SFMBT2: variants seen among roughly 807,000 people sequenced by gnomAD.
SFMBT2 encodes scm-like with four MBT domains protein 2.
A neutral mutation model predicts 110.1 loss-of-function variants in SFMBT2; 38 were observed. The ratio of observed to expected loss-of-function variants is 0.35; its 90% CI spans 0.27 to 0.45. SFMBT2 has a LOEUF of 0.45. SFMBT2 is among the 20% of genes least tolerant of loss of function. The pLI, the probability that SFMBT2 is intolerant of heterozygous loss-of-function variation, is 1.00. For missense variants in SFMBT2, 1,011 were observed against 1,094.9 expected, an observed-to-expected ratio of 0.92 and a Z score of 1.08; for synonymous variants, 425 against 425.4, an observed-to-expected ratio of 1.00 and a Z score of 0.01.
chr10:7,189,921 T>C (rs1160842695), intron 15 of SFMBT2, among the ~76,000 whole-genome samples: 1 of 152,232 alleles, frequency 6.6e-6, no homozygotes, highest in East Asian at 1.9e-4. Context: ...GTGGATGGAA[T>C]TTGCTTGTCA....
At chr10:7,264,205 T>C (rs557769247) in intron 7 of SFMBT2, 10 of 244,082 alleles carry the variant, frequency 4.1e-5, no homozygotes, top group African/African-American at 2.3e-4. Flanking sequence ...CATCGAGAAA[T>C]AGAGAAAGCA....
intron 10 of SFMBT2, among the ~76,000 whole-genome samples, chr10:7,221,254 A>C (rs1313194917): frequency 6.6e-6 from 1 of 152,176 alleles, no homozygotes; most frequent in Non-Finnish European, 1.5e-5. Context: ...GGAAATGGGA[A>C]AAATATCCTT....
At chr10:7,168,237 G>C (rs539649179) in intron 20 of SFMBT2, among the ~76,000 whole-genome samples, 1 of 152,292 alleles carries the variant, frequency 6.6e-6, no homozygotes, top group East Asian at 1.9e-4. Context: ...CCCCATACCA[G>C]CTTTGTTTCA....
chr10:7,342,931 T>C (rs1843976853), intron 4 of SFMBT2, among the ~76,000 whole-genome samples: 2 of 152,104 alleles, frequency 1.3e-5, no homozygotes, highest in African/African-American at 4.8e-5. Context: ...AAGGAGGAGA[T>C]ACATATGTGT....
At chr10:7,321,201 C>CTTTT (rs542174351) in intron 4 of SFMBT2, among the ~76,000 whole-genome samples, 2 of 130,486 alleles carry the variant, frequency 1.5e-5, no homozygotes, top group Non-Finnish European at 3.2e-5. Context: ...TATGAGCATC[C>CTTTT]TTTTTTTTTT....
At chr10:7,208,039 A>G (rs1282015178) in intron 11 of SFMBT2, among the ~76,000 whole-genome samples, 4 of 152,260 alleles carry the variant, frequency 2.6e-5, no homozygotes, top group Non-Finnish European at 5.9e-5. Context: ...GGTTAAATAA[A>G]TAGACATTGT....
intron 13 of SFMBT2, 189 bp downstream of exon 13, chr10:7,202,291 G>A (rs1486603109): frequency 3.4e-6 from 1 of 290,318 alleles, no homozygotes; most frequent in Non-Finnish European, 5.2e-6. Flanking sequence ...GAGTGCCTTG[G>A]GGAGCAGGCA....
rs370241115 is a variant in SFMBT2 at position 7,264,256 on chromosome 10, A to T, written c.870+12636T>A. 11 of 242,608 alleles carry T rather than the reference A, an allele frequency of 4.5e-5. No individual in the cohort carries two copies. In the South Asian group the frequency reaches 1.6e-3, roughly 36 times the overall value. The allele number at this position is 242,608 out of a possible 1,614,324, so 15.0% of individuals were successfully genotyped here. ...CCATTTCAGGTACAGTTTCAGACCC[A>T]ACCAAACCAGACTCAATGCAGTGCA... On this transcript the variant is annotated intron_variant, in intron 7 of 20. Coordinates refer to ENST00000397167, the MANE Select transcript of SFMBT2 (RefSeq NM_001387889.1).
intron 4 of SFMBT2, among the ~76,000 whole-genome samples, chr10:7,315,103 A>C (rs566435040): frequency 2.8e-5 from 4 of 145,390 alleles, no homozygotes; most frequent in Non-Finnish European, 4.7e-5. Context: ...AAAGAAAGAA[A>C]GAAAGAAAAA....
intron 4 of SFMBT2, among the ~76,000 whole-genome samples, chr10:7,333,366 T>G (rs1318135298): frequency 2.6e-5 from 4 of 151,086 alleles, no homozygotes; most frequent in Non-Finnish European, 4.4e-5. Flanking sequence ...AAATATCTGG[T>G]GGATGAGGAT....
At chr10:7,246,696 G>A (rs539662018) in intron 8 of SFMBT2, among the ~76,000 whole-genome samples, 1 of 129,672 alleles carries the variant, frequency 7.7e-6, no homozygotes, top group African/African-American at 2.9e-5. Flanking sequence ...TCTAGCCTGG[G>A]TGACGGAGCA....
chr10:7,291,825 T>C (rs951497650), intron 4 of SFMBT2, among the ~76,000 whole-genome samples: 5 of 152,248 alleles, frequency 3.3e-5, no homozygotes, highest in South Asian at 2.1e-4. Flanking sequence ...TAGTCCTTGG[T>C]TGTACCCACG....
chr10:7,405,054 T>C (rs1201073160), intron 1 of SFMBT2, among the ~76,000 whole-genome samples: 1 of 152,232 alleles, frequency 6.6e-6, no homozygotes, highest in African/African-American at 2.4e-5. Context: ...AGAGTATTTT[T>C]CTTAGGAATT....
chr10:7,327,833 C>T (rs1588452211), intron 4 of SFMBT2, among the ~76,000 whole-genome samples: 1 of 152,186 alleles, frequency 6.6e-6, no homozygotes, highest in Admixed American at 6.5e-5. Context: ...AGTTTCATTA[C>T]CTGAATGAAT....
chr10:7,324,399 CAG>C (rs1843306629), intron 4 of SFMBT2, among the ~76,000 whole-genome samples: 4 of 152,090 alleles, frequency 2.6e-5, no homozygotes, highest in Admixed American at 2.6e-4. Flanking sequence ...GGTGATGGTG[CAG>C]AGTGAAGAGC....
chr10:7,220,873 C>G (rs980380702), intron 10 of SFMBT2, among the ~76,000 whole-genome samples: 4 of 146,830 alleles, frequency 2.7e-5, no homozygotes, highest in Non-Finnish European at 5.9e-5. Context: ...GATGCCCAGA[C>G]TGGAGTGCAG....
chr10:7,250,173 T>C (rs1264110067), intron 7 of SFMBT2, among the ~76,000 whole-genome samples: 1 of 152,220 alleles, frequency 6.6e-6, no homozygotes, highest in Admixed American at 6.5e-5. Flanking sequence ...GTTTGTTACA[T>C]GGGCATACTA....
At chr10:7,245,108 C>T (rs543085652) in intron 8 of SFMBT2, among the ~76,000 whole-genome samples, 96 of 152,272 alleles carry the variant, frequency 6.3e-4, no homozygotes, top group African/African-American at 2.3e-3. Context: ...CCAAGGCCTC[C>T]TGGGGTCCTC....
Position 7,176,107 on chromosome 10 carries a change from C to T in SFMBT2, c.1867G>A (p.Ala623Thr), listed in dbSNP as rs745336635. 5.6e-6 allele frequency: 9 copies of T among 1,614,140 alleles called. No individual in the cohort carries two copies. The highest frequency in any genetic ancestry group is 2.2e-5 in the South Asian group (2 of 91,084). ...VKIVRTSDQV[A>T]NFCRRVCAKL... is the part of the protein sequence containing the mutation. ...GCACAGACTCGGCGGCAGAAATTTGCGACTTGGTCAGATGTCCGTACGATT... is the reference window on the plus strand; with the variant it reads ...GCACAGACTCGGCGGCAGAAATTTGTGACTTGGTCAGATGTCCGTACGATT... Residue 623 changes from alanine to threonine, a missense_variant, in exon 17 of 21, where the codon GCA (alanine) becomes ACA (threonine). By Grantham distance (58) the Ala-to-Thr change is moderately conservative (BLOSUM62 0). Around this residue, in one of 2 missense-constraint regions of SFMBT2, gnomAD observed 979 missense variants for 1,016.1 expected, o/e 0.96. Coordinates refer to ENST00000397167, the MANE Select transcript of SFMBT2 (RefSeq NM_001387889.1).
Sources: allele counts gnomAD v4.1 joint callset (sites outside exome capture counted in the v4.1 genomes callset), GRCh38; gene constraint gnomAD v4.1.1; regional missense constraint gnomAD v4.1.1; transcripts MANE v1.5; gene names NCBI Gene and HGNC (gene_info 2026-07-23, HGNC 2026-07-21).